Variants in ZEB1 observed in about 807,000 individuals in gnomAD.
ZEB1 encodes the protein zinc finger E-box-binding homeobox 1.
ZEB1 carries 21 observed loss-of-function variants against 84.9 expected under a neutral mutation model. The ratio of observed to expected loss-of-function variants is 0.25; its 90% CI spans 0.18 to 0.36. The LOEUF is 0.36. ZEB1 is among the 10% of genes least tolerant of loss of function. The pLI, the probability that ZEB1 is intolerant of heterozygous loss-of-function variation, is 1.00. For synonymous variants in ZEB1, 420 were observed against 471.1 expected (o/e 0.89, Z 1.41); for missense variants, 1,104 against 1,330.2 (o/e 0.83, Z 2.65).
intron 3 of ZEB1, among the ~76,000 whole-genome samples, chr10:31,497,964 G>GATAGATAA: frequency 6.7e-6 from 1 of 148,460 alleles, no homozygotes; most frequent in Non-Finnish European, 1.5e-5. Context: ...TAGATAGATA[G>GATAGATAA]ATAGATAGAT....
At chr10:31,472,201 T>C (rs77953853) in intron 2 of ZEB1, among the ~76,000 whole-genome samples, 1 of 150,930 alleles carries the variant, frequency 6.6e-6, no homozygotes, top group Non-Finnish European at 1.5e-5. Flanking sequence ...AGGCAAGAAA[T>C]AACTAAAATC....
intron 2 of ZEB1, among the ~76,000 whole-genome samples, chr10:31,464,410 A>G (rs1368822996): frequency 6.6e-6 from 1 of 152,144 alleles, no homozygotes. Context: ...TGAAGATTCA[A>G]TACATCTTAT....
chr10:31,503,148 A>G (rs2068406309), intron 4 of ZEB1, among the ~76,000 whole-genome samples: 1 of 152,144 alleles, frequency 6.6e-6, no homozygotes, highest in Non-Finnish European at 1.5e-5. Flanking sequence ...AAAGGCTTTC[A>G]AAAAGCCTCA....
At chr10:31,368,197 C>T (rs2134343754) in intron 1 of ZEB1, among the ~76,000 whole-genome samples, 1 of 152,244 alleles carries the variant, frequency 6.6e-6, no homozygotes. Flanking sequence ...CTCTGTCGCG[C>T]AGGCTTGAGT....
chr10:31,451,484 C>T (rs190567308), intron 1 of ZEB1, among the ~76,000 whole-genome samples: 2 of 152,156 alleles, frequency 1.3e-5, no homozygotes, highest in Admixed American at 6.5e-5. Flanking sequence ...ACTTAGATTT[C>T]GTCATACTAC....
chr10:31,343,934 T>G (rs1056213498), intron 1 of ZEB1, among the ~76,000 whole-genome samples: 2 of 152,138 alleles, frequency 1.3e-5, no homozygotes, highest in Non-Finnish European at 2.9e-5. Flanking sequence ...TGGGGTCAAT[T>G]TGGCATAATC....
At chr10:31,498,022 T>C (rs2067525952) in intron 3 of ZEB1, among the ~76,000 whole-genome samples, 5 of 152,064 alleles carry the variant, frequency 3.3e-5, no homozygotes, top group Admixed American at 3.3e-4. Flanking sequence ...CTCAAATACA[T>C]GTATATAGTC....
chr10:31,449,146 G>A (rs997687819), intron 1 of ZEB1, among the ~76,000 whole-genome samples: 6 of 152,344 alleles, frequency 3.9e-5, no homozygotes, highest in African/African-American at 1.2e-4. Context: ...TCTGAAAAGC[G>A]CAATATTCGG....
intron 1 of ZEB1, among the ~76,000 whole-genome samples, chr10:31,353,543 C>G (rs1453569891): frequency 6.6e-6 from 1 of 152,138 alleles, no homozygotes; most frequent in Non-Finnish European, 1.5e-5. Context: ...CTTTCCTAAG[C>G]CATCTTTTTA....
chr10:31,346,858 C>T lies in ZEB1; in HGVS notation c.58+27566C>T, dbSNP rs1253389899. Among the ~76,000 whole-genome samples the T allele has an allele frequency of 3.3e-5, 5 of 152,146 alleles. No individual in the cohort carries two copies. The East Asian group carries it at 9.7e-4, about 29-fold the overall frequency. On this transcript the variant is annotated intron_variant, in intron 1 of 8. Transcript: ENST00000424869. ...TTATCGTCTTCAGACTGTACTTTTG[C>T]TAATTAAGTCTTTTCCTTGGGGTTA...
chr10:31,450,918 G>A (rs1329265197), intron 1 of ZEB1, among the ~76,000 whole-genome samples: 1 of 152,034 alleles, frequency 6.6e-6, no homozygotes, highest in Admixed American at 6.6e-5. Flanking sequence ...GCCTGTGTGT[G>A]TGTGTGTGCA....
chr10:31,471,607 T>C (rs1204993149), intron 2 of ZEB1, among the ~76,000 whole-genome samples: 4 of 141,980 alleles, frequency 2.8e-5, no homozygotes, highest in Non-Finnish European at 6.1e-5. Flanking sequence ...CACACATTAA[T>C]AATGGGAGAC....
Position 31,395,394 on chromosome 10 carries a change from A to G in ZEB1, c.59-65643A>G, listed in dbSNP as rs117556769. 3.0e-3 allele frequency among the ~76,000 whole-genome samples: 463 copies of G among 152,330 alleles called. 1 individual carries two copies. Among genetic ancestry groups the G allele is most frequent in the Middle Eastern group, 0.01 (3 of 292 alleles). ...AAGAAGAGTAGCACTTCCTAGGTATATGATATGAAAGGCATTGGTGAAATG... is the reference window on the plus strand; with the variant it reads ...AAGAAGAGTAGCACTTCCTAGGTATGTGATATGAAAGGCATTGGTGAAATG... On this transcript the variant is annotated intron_variant, in intron 1 of 8. Coordinates refer to ENST00000424869, the MANE Select transcript of ZEB1 (RefSeq NM_001174096.2).
At chr10:31,431,344 C>CTA (rs1434899502) in intron 1 of ZEB1, among the ~76,000 whole-genome samples, 2 of 152,262 alleles carry the variant, frequency 1.3e-5, no homozygotes, top group African/African-American at 4.8e-5. Flanking sequence ...ATTCATTATA[C>CTA]TATACACTTG....
intron 1 of ZEB1, among the ~76,000 whole-genome samples, chr10:31,366,160 C>T (rs1242436102): frequency 2.6e-5 from 4 of 152,194 alleles, no homozygotes; most frequent in African/African-American, 9.7e-5. Context: ...ATCTCTCTGA[C>T]TAGCCCTGAA....
At chr10:31,461,747 G>GT (rs2061847224) in intron 2 of ZEB1, among the ~76,000 whole-genome samples, 1 of 152,058 alleles carries the variant, frequency 6.6e-6, no homozygotes, top group Admixed American at 6.6e-5. Flanking sequence ...GGAAGGAGCG[G>GT]TGAAAGTAAG....
chr10:31,522,762 T>G (rs2072682696), intron 7 of ZEB1, among the ~76,000 whole-genome samples: 1 of 152,252 alleles, frequency 6.6e-6, no homozygotes, highest in Admixed American at 6.5e-5. Context: ...TGATATTTTA[T>G]GCAAATATTT....
chr10:31,434,788 CAGG>C (rs2058100315), intron 1 of ZEB1, among the ~76,000 whole-genome samples: 1 of 152,132 alleles, frequency 6.6e-6, no homozygotes, highest in Non-Finnish European at 1.5e-5. Context: ...GAACAAGAGT[CAGG>C]AAAGGTCAAG....
intron 1 of ZEB1, among the ~76,000 whole-genome samples, chr10:31,395,896 A>G (rs1161158500): frequency 6.6e-6 from 1 of 152,032 alleles, no homozygotes; most frequent in Non-Finnish European, 1.5e-5. Context: ...TTAGACCACA[A>G]AATTTGAACT....
Sources: gnomAD v4.1 joint callset for allele counts (sites outside exome capture counted in the v4.1 genomes callset) on GRCh38, gnomAD v4.1.1 for gene constraint, MANE v1.5 for transcripts, NCBI Gene and HGNC (gene_info 2026-07-23, HGNC 2026-07-21) for gene names.